The following ADAMTS4 variants were observed in gnomAD, a reference collection of about 807,000 sequenced individuals.
ADAMTS4 encodes the protein A disintegrin and metalloproteinase with thrombospondin motifs 4.
In ADAMTS4, 38 loss-of-function variants were observed where a neutral mutation model predicts 66.7. That is an observed-to-expected ratio of 0.57 (90% confidence interval 0.44 to 0.75). The LOEUF is 0.75. Among genes scored for constraint, ADAMTS4 ranks in the 30% least tolerant of loss-of-function variants. The pLI, the probability that ADAMTS4 is intolerant of heterozygous loss-of-function variation, is 0.00. For missense variants in ADAMTS4, 1,014 were observed against 1,116.7 expected, an observed-to-expected ratio of 0.91 and a Z score of 1.31; for synonymous variants, 418 against 461.5, an observed-to-expected ratio of 0.91 and a Z score of 1.21.
Position 161,195,732 on chromosome 1 carries a change from C to A in ADAMTS4, c.1091-97G>T, listed in dbSNP as rs988592804. On this transcript the variant is annotated intron_variant, in intron 3 of 8. Transcript: ENST00000367996. ...TGGCTGCAGCTGTGGATGATCAGAT[C>A]CATTACCCACCTCACCCTGCCCCCA... The A allele has an allele frequency of 5.0e-6, 6 of 1,201,118 alleles. No individual in the cohort carries two copies. In the African/African-American group the frequency reaches 6.2e-5, roughly 12 times the overall value. The allele number at this position is 1,201,118 out of a possible 1,614,324, so 74.4% of individuals were successfully genotyped here.
Position 161,193,917 on chromosome 1 carries a change from C to A in ADAMTS4, c.1548+18G>T, listed in dbSNP as rs201562240. 1.3e-4 allele frequency: 202 copies of A among 1,565,112 alleles called. No individual in the cohort carries two copies. In the East Asian group the frequency reaches 4.2e-3, roughly 33 times the overall value. ...ACACCCCCGGGCCCTTTACCCCACC[C>A]CTGCCCTAGGATCTCACATTGAAGT... On this transcript the variant is annotated intron_variant, in intron 5 of 8. Coordinates refer to ENST00000367996, the MANE Select transcript of ADAMTS4 (RefSeq NM_005099.6). This position sits in a 1 kb window ranked among gnomAD's most constrained non-coding sequence, Gnocchi z 4.4.
intron 1 of ADAMTS4, 53 bp from the exon 2 acceptor site, chr1:161,196,933 G>T (rs35630547): frequency 0.14 from 204,441 of 1,484,786 alleles, 15,793 homozygotes; most frequent in East Asian, 0.32. Context: ...AGACCCATGG[G>T]TCGGTCGATT....
intron 4 of ADAMTS4, 101 bp downstream of exon 4, chr1:161,195,364 G>C: frequency 7.9e-7 from 1 of 1,264,500 alleles, no homozygotes; most frequent in Non-Finnish European, 1.1e-6. Flanking sequence ...AGCACACTTG[G>C]GGGAGGCAAT....
chr1:161,198,199 G>A lies in ADAMTS4; in HGVS notation c.429C>T (p.His143=), dbSNP rs12740751. 0.023 allele frequency: 36,959 copies of A among 1,614,122 alleles called. 489 individuals are homozygous for A. Among genetic ancestry groups the A allele is most frequent in the Non-Finnish European group, 0.027 (32,017 of 1,179,994 alleles). Residue 143 remains histidine (H), a synonymous_variant, in exon 1 of 9, where the codon CAC becomes CAT. Transcript: ENST00000367996. The surrounding 1 kb of genome is among the most constrained non-coding windows in gnomAD (Gnocchi z 4.7). The stretch of plus-strand genomic sequence containing the variant: ...CGCCTAACAGGGCTCCCCCATCCCA[G>A]TGCAGAGATGCCACCGACTCCGGAT... ...NGDPESVASL[H]WDGGALLGVL...
In ADAMTS4 at chr1:161,198,661, C is replaced by T. The variant is rs541347776; in HGVS notation, c.-34G>A. The T allele has an allele frequency of 6.2e-5, 91 of 1,459,624 alleles. 1 individual carries two copies. The highest frequency in any genetic ancestry group is 4.7e-4 in the South Asian group (33 of 69,712). 90.4% of individuals were successfully genotyped at this position (1,459,624 alleles called of 1,614,324 possible). On this transcript the variant is annotated 5_prime_UTR_variant, in exon 1 of 9. Coordinates refer to ENST00000367996, the MANE Select transcript of ADAMTS4 (RefSeq NM_005099.6). This position sits in a 1 kb window ranked among gnomAD's most constrained non-coding sequence, Gnocchi z 4.7. ...TACTGCAGCTGGGAGGGACTGAGGC[C>T]GTCTAGGGCACCAAGTCCTCCACAC...
At chr1:161,195,423 A>G in intron 4 of ADAMTS4, 42 bp downstream of exon 4, 1 of 1,556,436 alleles carries the variant, frequency 6.4e-7, no homozygotes, top group Non-Finnish European at 8.7e-7. Flanking sequence ...GGAGGACAGG[A>G]ATTGAGTGCT....
At chr1:161,191,843 G>A (rs1483562539) in intron 8 of ADAMTS4, among the ~76,000 whole-genome samples, 1 of 152,116 alleles carries the variant, frequency 6.6e-6, no homozygotes, top group Non-Finnish European at 1.5e-5. Context: ...TCAGCTCAGA[G>A]GTCACCTCCA....
In ADAMTS4 at chr1:161,188,057, C is replaced by T. The variant is rs1664577029; in HGVS notation, c.*3081G>A. On this transcript the variant is annotated 3_prime_UTR_variant, in exon 9 of 9. Coordinates refer to ENST00000367996, the MANE Select transcript of ADAMTS4 (RefSeq NM_005099.6). ...CTCCACCTCCCAGGTTCAAGCGATCCTCCTGCCTCAGCCTCATGAGTAGCT... is the reference window on the plus strand; with the variant it reads ...CTCCACCTCCCAGGTTCAAGCGATCTTCCTGCCTCAGCCTCATGAGTAGCT... 1 of 151,054 alleles carries T rather than the reference C, an allele frequency of 6.6e-6. No individual in the cohort carries two copies. Among genetic ancestry groups the T allele is most frequent in the Non-Finnish European group, 1.5e-5 (1 of 68,072 alleles). 9.4% of individuals were successfully genotyped at this position (151,054 alleles called of 1,614,324 possible).
rs1664992121 is a variant in ADAMTS4 at position 161,198,912 on chromosome 1, C to T, written c.-285G>A. On this transcript the variant is annotated 5_prime_UTR_variant, in exon 1 of 9. Coordinates refer to ENST00000367996, the MANE Select transcript of ADAMTS4 (RefSeq NM_005099.6). This position sits in a 1 kb window ranked among gnomAD's most constrained non-coding sequence, Gnocchi z 4.7. ...CCTGTGTCTTCTGCAGCTTCTCTGG[C>T]CTCTCCCTCTGTAGGACTCTGTCTG... is the stretch of plus-strand genomic sequence containing the variant. 2.6e-6 allele frequency: 1 copy of T among 391,248 alleles called. No individual in the cohort carries two copies. The highest frequency in any genetic ancestry group is 3.9e-5 in the East Asian group (1 of 25,384). The allele number at this position is 391,248 out of a possible 1,614,324, so 24.2% of individuals were successfully genotyped here.
Position 161,191,055 on chromosome 1 carries a change from A to G in ADAMTS4, c.*83T>C, listed in dbSNP as rs538312174. On this transcript the variant is annotated 3_prime_UTR_variant, in exon 9 of 9. Coordinates refer to ENST00000367996, the MANE Select transcript of ADAMTS4 (RefSeq NM_005099.6). Reference sequence around the variant, plus strand: ...CAGCCCCTCCCCACTGAGTCTTAGCATGAGGCAGCAACAGAAGCTCTCTCT... The same window carrying G: ...CAGCCCCTCCCCACTGAGTCTTAGCGTGAGGCAGCAACAGAAGCTCTCTCT... 40 of 1,444,146 alleles carry G rather than the reference A, an allele frequency of 2.8e-5. No individual in the cohort carries two copies. The East Asian group carries it at 8.7e-4, about 32-fold the overall frequency. 89.5% of individuals were successfully genotyped at this position (1,444,146 alleles called of 1,614,324 possible).
rs1184812759 is a variant in ADAMTS4 at position 161,196,226 on chromosome 1, A to G, written c.1035T>C (p.Cys345=). The change falls in exon 3 of 9, where the codon TGT becomes TGC. Residue 345 remains cysteine (C), a synonymous_variant. Coordinates refer to ENST00000367996, the MANE Select transcript of ADAMTS4 (RefSeq NM_005099.6). ...GGAGCCCATCATCCTCCACAATGGC[A>G]CAGCTCCGAGCCGGGTCACAGACGG... ...VGTVCDPARS[C]AIVEDDGLQS... 5.0e-6 allele frequency: 8 copies of G among 1,613,188 alleles called. No individual in the cohort carries two copies. The African/African-American group carries it at 8.0e-5, about 16-fold the overall frequency.
chr1:161,188,536 A>G lies in ADAMTS4; in HGVS notation c.*2602T>C, dbSNP rs1664590245. On this transcript the variant is annotated 3_prime_UTR_variant, in exon 9 of 9. Transcript: ENST00000367996. Reference sequence around the variant, plus strand: ...GGTGTGAACCATCTCATCCAGCCCAAAATTCTTTCTCAAGCAAAGGCGCCT... The same window carrying G: ...GGTGTGAACCATCTCATCCAGCCCAGAATTCTTTCTCAAGCAAAGGCGCCT... 1 of 151,010 alleles carries G rather than the reference A, an allele frequency of 6.6e-6. No homozygotes were observed. The highest frequency in any genetic ancestry group is 1.5e-5 in the Non-Finnish European group (1 of 67,846). The allele number at this position is 151,010 out of a possible 1,614,324, so 9.4% of individuals were successfully genotyped here.
chr1:161,191,358 G>A lies in ADAMTS4; in HGVS notation c.2294C>T (p.Thr765Ile), dbSNP rs1432239625. The A allele has an allele frequency of 5.0e-6, 8 of 1,613,908 alleles. No homozygotes were observed. In the East Asian group the frequency reaches 1.8e-4, roughly 36 times the overall value. ...GAVSLRYSGA[T>I]AASETLSGHG... ...GCCTGACAGTGTCTCTGAGGCTGCA[G>A]TGGCCCCGCTGTAGCGCAAGCTGAC... Residue 765 changes from threonine to isoleucine, a missense_variant, in exon 9 of 9, where the codon ACT becomes ATT. Physicochemically the swap from Thr to Ile is moderately conservative, Grantham distance 89. Transcript: ENST00000367996.
rs1664562564 is a variant in ADAMTS4, at chr1:161,187,357, AT to A, written c.*3780del. The A allele has an allele frequency of 6.6e-6, 1 of 152,098 alleles. No individual in the cohort carries two copies. The highest frequency in any genetic ancestry group is 1.5e-5 in the Non-Finnish European group (1 of 68,030). 9.4% of individuals were successfully genotyped at this position (152,098 alleles called of 1,614,324 possible). A position where few individuals can be genotyped will look rare whatever the true frequency, so the allele number is the denominator to read the frequency against. On this transcript the variant is annotated 3_prime_UTR_variant, in exon 9 of 9. Coordinates refer to ENST00000367996, the MANE Select transcript of ADAMTS4 (RefSeq NM_005099.6). ...CCATAAACATACTATCTGTGGTCTC[AT>A]TTTGCAAACTAGATGAAACGAGTAA...
chr1:161,197,637 G>C (rs1016724949), intron 1 of ADAMTS4: 28 of 241,106 alleles, frequency 1.2e-4, no homozygotes, highest in African/African-American at 5.6e-4. Context: ...AATCAAATTT[G>C]GAGCAGAGAA....
intron 1 of ADAMTS4, 82 bp downstream of exon 1, chr1:161,197,912 TG>T: frequency 6.7e-7 from 1 of 1,498,674 alleles, no homozygotes; most frequent in Non-Finnish European, 8.9e-7. Flanking sequence ...GAAGTGTAAG[TG>T]GGTGGAGAGA....
chr1:161,192,206 G>A lies in ADAMTS4; in HGVS notation c.1946C>T (p.Ser649Phe). 6.2e-7 allele frequency: 1 copy of A among 1,614,072 alleles called. No individual in the cohort carries two copies. The highest frequency in any genetic ancestry group is 1.7e-5 in the Admixed American group (1 of 60,010). Residue 649 changes from serine (S) to phenylalanine (F), a missense_variant, in exon 8 of 9, where the codon TCC (serine) becomes TTC (phenylalanine). Transcript: ENST00000367996. ...VDGTPCSPDS[S>F]SVCVQGRCIH... ...GCATCGGCCCTGGACACAGACCGAG[G>A]AGCTGTCCGGGGAACAGGGGGTCCC...
At chr1:161,196,033 G>A in intron 3 of ADAMTS4, 138 bp downstream of exon 3, 1 of 1,065,176 alleles carries the variant, frequency 9.4e-7, no homozygotes, top group Non-Finnish European at 1.3e-6. Flanking sequence ...TCTACACCTG[G>A]AGCAGAGAGG....
Position 161,198,531 on chromosome 1 carries a change from A to G in ADAMTS4, c.97T>C (p.Trp33Arg), listed in dbSNP as rs1389915873. Residue 33 changes from tryptophan (W) to arginine (R), a missense_variant, in exon 1 of 9, where the codon TGG becomes CGG. Coordinates refer to ENST00000367996, the MANE Select transcript of ADAMTS4 (RefSeq NM_005099.6). This position sits in a 1 kb window ranked among gnomAD's most constrained non-coding sequence, Gnocchi z 4.7. ...AGTAGCAGAAGCAGCCACACCAGCC[A>G]GGAGAGCGGCACAATGGGGAGCAGG... ...CLLLPIVPLS[W>R]LVWLLLLLLA... 6.4e-7 allele frequency: 1 copy of G among 1,567,106 alleles called. No homozygotes were observed. The highest frequency in any genetic ancestry group is 8.7e-7 in the Non-Finnish European group (1 of 1,155,992).
Sources: gnomAD v4.1 joint callset for allele counts (sites outside exome capture counted in the v4.1 genomes callset) on GRCh38, gnomAD v4.1.1 for gene constraint, Gnocchi (gnomAD v3.1) non-coding constraint, MANE v1.5 for transcripts, NCBI Gene and HGNC (gene_info 2026-07-23, HGNC 2026-07-21) for gene names.